The following ATP10B variants were observed in gnomAD, a reference collection of about 807,000 sequenced individuals.
The protein encoded by ATP10B is ATPase phospholipid transporting 10B (putative), also known as phospholipid-transporting ATPase VB.
A neutral mutation model predicts 141.2 loss-of-function variants in ATP10B; 122 were observed. That is an observed-to-expected ratio of 0.86 (90% CI 0.75 to 1.00). ATP10B has a LOEUF of 1.00. ATP10B is among the 50% of genes least tolerant of loss of function. The pLI is 0.00. For synonymous variants in ATP10B, 685 were observed against 692.0 expected (o/e 0.99, Z 0.16); for missense variants, 1,876 against 1,825.3 (o/e 1.03, Z -0.51).
intron 1 of ATP10B, among the ~76,000 whole-genome samples, chr5:160,849,658 A>G (rs1753678969): frequency 1.0e-5 from 1 of 95,708 alleles, no homozygotes; most frequent in Non-Finnish European, 2.5e-5. Flanking sequence ...TAATGTGAGC[A>G]TTTGACAGGC....
the ATP10B span, among the ~76,000 whole-genome samples, chr5:160,896,747 A>C: frequency 6.6e-6 from 1 of 152,068 alleles, no homozygotes; most frequent in East Asian, 1.9e-4. Flanking sequence ...AACAACAACA[A>C]ATTTCAGGCC....
intron 21 of ATP10B, among the ~76,000 whole-genome samples, chr5:160,600,999 C>G (rs1339289560): frequency 1.3e-5 from 2 of 152,118 alleles, no homozygotes; most frequent in Admixed American, 1.3e-4. Flanking sequence ...TCCTATTTCA[C>G]AAATTTAATG....
the ATP10B span, among the ~76,000 whole-genome samples, chr5:160,918,308 TAC>T: frequency 6.6e-6 from 1 of 152,160 alleles, no homozygotes; most frequent in African/African-American, 2.4e-5. Context: ...GGTAATAAAC[TAC>T]AGAGCTAGAA....
chr5:160,620,541 C>A lies in ATP10B; in HGVS notation c.2222G>T (p.Arg741Leu). 1 of 1,614,092 alleles carries A rather than the reference C, an allele frequency of 6.2e-7. No individual in the cohort carries two copies. Among genetic ancestry groups the A allele is most frequent in the Non-Finnish European group, 8.5e-7 (1 of 1,179,968 alleles). Residue 741 changes from arginine (R) to leucine (L), a missense_variant, in exon 15 of 26, where the codon CGG becomes CTG. Arg to Leu is a moderately radical substitution (Grantham distance 102). Coordinates refer to ENST00000327245, the MANE Select transcript of ATP10B (RefSeq NM_025153.3). ...AHAYSFTLVSRTPEQVTVRLP... is the reference protein window; with the variant it reads ...AHAYSFTLVSLTPEQVTVRLP... The stretch of plus-strand genomic sequence containing the variant: ...GCGCACAGTCACCTGCTCAGGTGTC[C>A]GGGACACTAGTGTGAAGCTGTAGGC...
chr5:160,609,023 T>C (rs1333046368), intron 18 of ATP10B, among the ~76,000 whole-genome samples: 2 of 152,206 alleles, frequency 1.3e-5, no homozygotes, highest in Non-Finnish European at 2.9e-5. Flanking sequence ...TTGTCCTGAA[T>C]AGCATTGTCT....
intron 1 of ATP10B, among the ~76,000 whole-genome samples, chr5:160,811,461 T>C (rs1348325941): frequency 6.6e-6 from 1 of 151,846 alleles, no homozygotes; most frequent in African/African-American, 2.4e-5. Context: ...CTTGGAAGGG[T>C]GATTCCCAGA....
rs1754470927 is a variant in ATP10B at position 160,565,451 on chromosome 5, C to A, written c.*2G>T. 6.2e-7 allele frequency: 1 copy of A among 1,613,630 alleles called. No individual in the cohort carries two copies. Among genetic ancestry groups the A allele is most frequent in the Non-Finnish European group, 8.5e-7 (1 of 1,179,692 alleles). The stretch of plus-strand genomic sequence containing the variant: ...TGAGTTTGTACAGATTTCTGCAGCT[C>A]CTCATATGGTCAGTGAACTCTGGGA... On this transcript the variant is annotated 3_prime_UTR_variant, in exon 26 of 26. Transcript: ENST00000327245.
the ATP10B span, among the ~76,000 whole-genome samples, chr5:160,877,756 G>T: frequency 8.6e-6 from 1 of 116,102 alleles, no homozygotes; most frequent in African/African-American, 2.6e-5. Flanking sequence ...CAAACAGAGA[G>T]CCAAATCATG....
intron 3 of ATP10B, among the ~76,000 whole-genome samples, chr5:160,691,176 GA>G (rs1764054762): frequency 6.6e-6 from 1 of 152,056 alleles, no homozygotes; most frequent in African/African-American, 2.4e-5. Context: ...TGGACACAGG[GA>G]GGGGAATATC....
chr5:160,867,970 G>A, the ATP10B span, among the ~76,000 whole-genome samples: 1 of 152,068 alleles, frequency 6.6e-6, no homozygotes, highest in African/African-American at 2.4e-5. Flanking sequence ...CAGGTCCTGT[G>A]CCTATCTAAA....
intron 21 of ATP10B, among the ~76,000 whole-genome samples, chr5:160,602,371 A>G (rs1478561988): frequency 2.0e-5 from 3 of 152,210 alleles, no homozygotes; most frequent in Non-Finnish European, 2.9e-5. Context: ...AGCATTGCCA[A>G]TTCTCACAAT....
chr5:160,925,799 TGAAATTAG>T, the ATP10B span, among the ~76,000 whole-genome samples: 1 of 152,238 alleles, frequency 6.6e-6, no homozygotes, highest in Non-Finnish European at 1.5e-5. Flanking sequence ...TTAAAGGCCA[TGAAATTAG>T]GAAAATAGGA....
At chr5:160,613,005 A>G (rs1757805925) in intron 17 of ATP10B, 80 bp from the exon 18 acceptor site, 2 of 1,394,676 alleles carry the variant, frequency 1.4e-6, no homozygotes, top group Non-Finnish European at 1.9e-6. Context: ...ATGTGAAGCC[A>G]GGCAATGTTT....
intron 3 of ATP10B, among the ~76,000 whole-genome samples, chr5:160,714,011 A>G (rs1765445830): frequency 2.3e-5 from 1 of 43,750 alleles, no homozygotes; most frequent in African/African-American, 9.3e-5. Flanking sequence ...CTTTCCTTTG[A>G]GGGTAACCCG....
chr5:160,658,699 T>C (rs1761677036), intron 7 of ATP10B, among the ~76,000 whole-genome samples: 1 of 152,180 alleles, frequency 6.6e-6, no homozygotes, highest in Admixed American at 6.5e-5. Flanking sequence ...CTCTGGGGGT[T>C]AAGCTATAAA....
At chr5:160,900,849 A>T in the ATP10B span, among the ~76,000 whole-genome samples, 1 of 150,398 alleles carries the variant, frequency 6.6e-6, no homozygotes, top group African/African-American at 2.4e-5. Context: ...TACTCATGTC[A>T]TTGAAAAAAG....
At chr5:160,695,992 C>A (rs1333257149) in intron 3 of ATP10B, among the ~76,000 whole-genome samples, 1 of 152,118 alleles carries the variant, frequency 6.6e-6, no homozygotes, top group Admixed American at 6.5e-5. Flanking sequence ...ATAAGTATAT[C>A]AGTTTTTCAC....
chr5:160,859,584 C>A, the ATP10B span, among the ~76,000 whole-genome samples: 1 of 151,606 alleles, frequency 6.6e-6, no homozygotes, highest in Non-Finnish European at 1.5e-5. Context: ...TAAAATACAT[C>A]TTTTATCTTG....
chr5:160,907,588 TG>T, the ATP10B span, among the ~76,000 whole-genome samples: 1 of 152,130 alleles, frequency 6.6e-6, no homozygotes, highest in Non-Finnish European at 1.5e-5. Context: ...CTCAAACTTC[TG>T]GGCTCAAGCA....
Sources: gnomAD v4.1 joint callset for allele counts (sites outside exome capture counted in the v4.1 genomes callset) on GRCh38, gnomAD v4.1.1 for gene constraint, MANE v1.5 for transcripts, NCBI Gene and HGNC (gene_info 2026-07-23, HGNC 2026-07-21) for gene names.